STAU2: variants seen among roughly 807,000 people sequenced by gnomAD.
STAU2 encodes the protein staufen double-stranded RNA binding protein 2.
In STAU2, 20 loss-of-function variants were observed where a neutral mutation model predicts 65.9. The ratio of observed to expected loss-of-function variants is 0.30; its 90% CI spans 0.21 to 0.44. The LOEUF (loss-of-function observed/expected upper bound fraction) is 0.44. Ranked by LOEUF, STAU2 falls within the 20% of genes least tolerant of loss-of-function variation. The pLI is 1.00. For synonymous variants in STAU2, 232 were observed against 233.9 expected, an observed-to-expected ratio of 0.99 and a Z score of 0.07; for missense variants, 558 against 683.9, an observed-to-expected ratio of 0.82 and a Z score of 2.05.
chr8:73,500,316 C>G (rs953854627), intron 13 of STAU2, among the ~76,000 whole-genome samples: 3 of 151,932 alleles, frequency 2.0e-5, no homozygotes, highest in Admixed American at 6.6e-5. Flanking sequence ...CAATGCCTAC[C>G]TACCACTTCG....
rs202210177 is a variant in STAU2 at position 73,738,339 on chromosome 8, G to A, written c.-73C>T. 1.4e-3 allele frequency: 2,267 copies of A among 1,577,074 alleles called. 1 individual carries two copies. The highest frequency in any genetic ancestry group is 1.8e-3 in the Non-Finnish European group (2,107 of 1,168,428). On this transcript the variant is annotated 5_prime_UTR_variant, in exon 3 of 15. Transcript: ENST00000524300. ...TTGACCAAACTGCTGTATCCCTCACGGCTCCAAAAACTGGAAAACGAAAAT... is the reference window on the plus strand; with the variant it reads ...TTGACCAAACTGCTGTATCCCTCACAGCTCCAAAAACTGGAAAACGAAAAT...
At chr8:73,709,200 G>T in intron 3 of STAU2, 38 bp from the exon 4 acceptor site, 2 of 1,436,780 alleles carry the variant, frequency 1.4e-6, no homozygotes, top group South Asian at 1.5e-5. Flanking sequence ...TGTGAAGAAT[G>T]ACTTTACAAA....
chr8:73,619,339 C>T (rs779627466), intron 6 of STAU2, among the ~76,000 whole-genome samples: 5 of 151,984 alleles, frequency 3.3e-5, no homozygotes, highest in Non-Finnish European at 5.9e-5. Flanking sequence ...TAAACAGAAT[C>T]GATTTTGATG....
At chr8:73,612,916 C>T (rs978880221) in intron 9 of STAU2, among the ~76,000 whole-genome samples, 6 of 152,188 alleles carry the variant, frequency 3.9e-5, no homozygotes, top group South Asian at 2.1e-4. Flanking sequence ...ACATGTCATA[C>T]GTGTCAAGCA....
At chr8:73,698,934 AAAG>A (rs1260506001) in intron 4 of STAU2, among the ~76,000 whole-genome samples, 15 of 146,322 alleles carry the variant, frequency 1.0e-4, no homozygotes, top group Admixed American at 7.5e-4. Context: ...AAAAAAAAAA[AAAG>A]AGAGAGAGAG....
At position 73,465,729 on chromosome 8, in the gene STAU2, T is replaced by G. The variant is rs1192708797; in HGVS notation, c.1531-43027A>C. Among the ~76,000 whole-genome samples the G allele has an allele frequency of 2.0e-5, 3 of 152,250 alleles. No homozygotes were observed. In the East Asian group the frequency reaches 5.8e-4, roughly 29 times the overall value. ...TGGCGTGTGCATATGCATTGCTTGA[T>G]TAGACCATACAGGACTTGGTGTCCC... On this transcript the variant is annotated intron_variant, in intron 13 of 14. Coordinates refer to ENST00000524300, the MANE Select transcript of STAU2 (RefSeq NM_001164380.2).
At chr8:73,664,180 T>C (rs1817061018) in intron 6 of STAU2, among the ~76,000 whole-genome samples, 1 of 152,082 alleles carries the variant, frequency 6.6e-6, no homozygotes, top group Non-Finnish European at 1.5e-5. Context: ...GTCTCCCAAG[T>C]AGCTGGGACT....
At chr8:73,470,217 TG>T (rs1255040187) in intron 13 of STAU2, among the ~76,000 whole-genome samples, 1 of 152,198 alleles carries the variant, frequency 6.6e-6, no homozygotes, top group Non-Finnish European at 1.5e-5. Context: ...TAGGCAGATG[TG>T]TCTTCATGTC....
chr8:73,729,717 T>C (rs1224672324), intron 3 of STAU2, among the ~76,000 whole-genome samples: 2 of 152,162 alleles, frequency 1.3e-5, no homozygotes, highest in Non-Finnish European at 2.9e-5. Flanking sequence ...ACTAATTCAA[T>C]CTGTTCACTT....
chr8:73,515,216 C>A (rs1822638840), intron 13 of STAU2, among the ~76,000 whole-genome samples: 2 of 152,284 alleles, frequency 1.3e-5, no homozygotes, highest in South Asian at 4.1e-4. Flanking sequence ...AGTTCCTAGA[C>A]CATGGGGAAG....
chr8:73,635,295 A>C (rs1341616315), intron 6 of STAU2, among the ~76,000 whole-genome samples: 1 of 152,244 alleles, frequency 6.6e-6, no homozygotes, highest in Admixed American at 6.5e-5. Context: ...TAAAGGTACC[A>C]AAAAGTCAAT....
intron 6 of STAU2, among the ~76,000 whole-genome samples, chr8:73,645,672 G>A (rs780946776): frequency 5.9e-5 from 9 of 152,146 alleles, no homozygotes; most frequent in African/African-American, 9.7e-5. Context: ...TATAAGAAGA[G>A]TTTTAATTGG....
At chr8:73,428,087 A>G (rs1295301820) in intron 13 of STAU2, among the ~76,000 whole-genome samples, 1 of 152,218 alleles carries the variant, frequency 6.6e-6, no homozygotes, top group African/African-American at 2.4e-5. Flanking sequence ...TATCCTTTTT[A>G]TCTGACTGAG....
chr8:73,647,489 G>A (rs1291832120), intron 6 of STAU2, among the ~76,000 whole-genome samples: 1 of 152,080 alleles, frequency 6.6e-6, no homozygotes, highest in East Asian at 1.9e-4. Context: ...TGGTTGCCAA[G>A]GGCTAGAGAT....
At position 73,637,336 on chromosome 8, in the gene STAU2, A is replaced by G. The variant is rs549432626; in HGVS notation, c.411-19885T>C. ...AAGAAAACCACACAAGATATGTTATAGTTTAACTGCTAAAAGCTAAAAAGA... is the reference window on the plus strand; with the variant it reads ...AAGAAAACCACACAAGATATGTTATGGTTTAACTGCTAAAAGCTAAAAAGA... On this transcript the variant is annotated intron_variant, in intron 6 of 14. Coordinates refer to ENST00000524300, the MANE Select transcript of STAU2 (RefSeq NM_001164380.2). Among the ~76,000 whole-genome samples, 13 of 151,764 alleles carry G rather than the reference A, an allele frequency of 8.6e-5. No homozygotes were observed. In the South Asian group the frequency reaches 2.5e-3, roughly 29 times the overall value.
chr8:73,637,457 T>A (rs1455377927), intron 6 of STAU2, among the ~76,000 whole-genome samples: 35 of 91,068 alleles, frequency 3.8e-4, no homozygotes, highest in African/African-American at 1.6e-3. Flanking sequence ...ATCTTTAAAG[T>A]CTTTATAAAG....
chr8:73,652,021 C>T (rs773408947), intron 6 of STAU2, among the ~76,000 whole-genome samples: 6 of 152,116 alleles, frequency 3.9e-5, no homozygotes, highest in South Asian at 2.1e-4. Context: ...TAGAGTCAAA[C>T]GCAGAAGTGG....
chr8:73,683,512 G>C (rs1818576846), intron 5 of STAU2, among the ~76,000 whole-genome samples: 1 of 152,128 alleles, frequency 6.6e-6, no homozygotes, highest in South Asian at 2.1e-4. Context: ...ATACTGAACA[G>C]GGAACAAGTT....
chr8:73,708,835 T>A (rs1201518700), intron 4 of STAU2, among the ~76,000 whole-genome samples, 197 bp downstream of exon 4: 2 of 152,168 alleles, frequency 1.3e-5, no homozygotes, highest in Non-Finnish European at 2.9e-5. Context: ...AAGTACTATA[T>A]CTAAAAGAGC....
Sources: allele counts gnomAD v4.1 joint callset (sites outside exome capture counted in the v4.1 genomes callset), GRCh38; gene constraint gnomAD v4.1.1; transcripts MANE v1.5; gene names NCBI Gene and HGNC (gene_info 2026-07-23, HGNC 2026-07-21).